TMEM117: variants seen among roughly 807,000 people sequenced by gnomAD.
TMEM117 encodes transmembrane protein 117.
In TMEM117, 27 loss-of-function variants were observed where a neutral mutation model predicts 52.4. The observed-to-expected ratio is 0.51, with a 90% CI of 0.38 to 0.71. The LOEUF is 0.71. Among genes scored for constraint, TMEM117 ranks in the 30% least tolerant of loss-of-function variants. The pLI, the probability that TMEM117 is intolerant of heterozygous loss-of-function variation, is 0.00. For missense variants in TMEM117, 556 were observed against 630.5 expected, an observed-to-expected ratio of 0.88 and a Z score of 1.26; for synonymous variants, 215 against 206.3, an observed-to-expected ratio of 1.04 and a Z score of -0.36.
Position 44,388,331 on chromosome 12 carries a change from A to C in TMEM117, c.1204A>C (p.Ile402Leu), listed in dbSNP as rs767727138. 2 of 1,613,610 alleles carry C rather than the reference A, an allele frequency of 1.2e-6. No homozygotes were observed. Among genetic ancestry groups the C allele is most frequent in the Non-Finnish European group, 1.7e-6 (2 of 1,179,672 alleles). The change falls in exon 8 of 8, where the codon ATA becomes CTA. Residue 402 changes from isoleucine to leucine, a missense_variant. Ile to Leu is a conservative substitution (Grantham distance 5, BLOSUM62 2). Transcript: ENST00000266534. ...VKCLAFVPSL[I>L]AFVWFGFFIW... ...GTGTCTGGCCTTTGTTCCAAGCCTG[A>C]TAGCCTTTGTGTGGTTTGGATTCTT...
chr12:43,810,938 A>G, the TMEM117 span, among the ~76,000 whole-genome samples: 1 of 152,344 alleles, frequency 6.6e-6, no homozygotes, highest in South Asian at 2.1e-4. Context: ...TATGTTAATA[A>G]TGGGAACAGT....
At chr12:43,806,034 G>A in the TMEM117 span, 2 of 1,521,120 alleles carry the variant, frequency 1.3e-6, no homozygotes, top group South Asian at 1.2e-5. Flanking sequence ...GACCGGGCTG[G>A]AGGAGGACGC....
chr12:43,807,086 G>A, the TMEM117 span, among the ~76,000 whole-genome samples: 1 of 152,072 alleles, frequency 6.6e-6, no homozygotes, highest in Non-Finnish European at 1.5e-5. Flanking sequence ...TTACAAACAT[G>A]TAGTTCCTTC....
intron 3 of TMEM117, among the ~76,000 whole-genome samples, chr12:43,994,166 A>G (rs1251004708): frequency 6.6e-6 from 1 of 152,148 alleles, no homozygotes; most frequent in Non-Finnish European, 1.5e-5. Context: ...TCATACTTGC[A>G]ACTTGTCTGT....
At chr12:43,881,512 G>A (rs553784584) in intron 2 of TMEM117, among the ~76,000 whole-genome samples, 20 of 152,236 alleles carry the variant, frequency 1.3e-4, no homozygotes, top group Admixed American at 7.2e-4. Flanking sequence ...CTTTAAGTCC[G>A]GGCGTGGAAG....
intron 2 of TMEM117, among the ~76,000 whole-genome samples, chr12:43,877,613 C>A (rs898260113): frequency 3.1e-4 from 45 of 145,212 alleles, no homozygotes; most frequent in Non-Finnish European, 6.5e-4. Flanking sequence ...CCAGCCCGGG[C>A]GACATAGTGC....
At chr12:44,179,694 C>T (rs1949164456) in intron 4 of TMEM117, among the ~76,000 whole-genome samples, 1 of 152,222 alleles carries the variant, frequency 6.6e-6, no homozygotes, top group South Asian at 2.1e-4. Context: ...AGTACCCTCG[C>T]AGACACACCC....
At chr12:43,948,876 G>A (rs146198749) in intron 3 of TMEM117, among the ~76,000 whole-genome samples, 22 of 152,228 alleles carry the variant, frequency 1.4e-4, no homozygotes, top group African/African-American at 4.1e-4. Flanking sequence ...CTGAAAACTC[G>A]GGCGGTAAGA....
At chr12:44,058,941 A>G (rs574092907) in intron 3 of TMEM117, among the ~76,000 whole-genome samples, 28 of 152,194 alleles carry the variant, frequency 1.8e-4, no homozygotes, top group African/African-American at 6.5e-4. Context: ...ATGGAAGACA[A>G]TTTTTCCATG....
chr12:44,300,667 A>G (rs1422278224), intron 6 of TMEM117, among the ~76,000 whole-genome samples: 1 of 152,224 alleles, frequency 6.6e-6, no homozygotes, highest in East Asian at 1.9e-4. Flanking sequence ...TAAATAATAT[A>G]TCTTGGGCAT....
At chr12:44,078,277 C>A (rs1752218924) in intron 3 of TMEM117, among the ~76,000 whole-genome samples, 1 of 152,136 alleles carries the variant, frequency 6.6e-6, no homozygotes, top group African/African-American at 2.4e-5. Context: ...ATTTAAGATT[C>A]CACAGAATTT....
At chr12:43,855,258 T>A (rs1943380130) in intron 2 of TMEM117, among the ~76,000 whole-genome samples, 1 of 151,994 alleles carries the variant, frequency 6.6e-6, no homozygotes, top group Non-Finnish European at 1.5e-5. Context: ...TGATAAGCAT[T>A]TCTTTTTTTC....
rs938656553 is a variant in TMEM117, at chr12:44,024,297, A to G, written c.410+79955A>G. Among the ~76,000 whole-genome samples the G allele has an allele frequency of 3.9e-5, 6 of 152,144 alleles. No individual in the cohort carries two copies. In the East Asian group the frequency reaches 7.7e-4, roughly 20 times the overall value. On this transcript the variant is annotated intron_variant, in intron 3 of 7. Coordinates refer to ENST00000266534, the MANE Select transcript of TMEM117 (RefSeq NM_032256.3). ...TGAGCAGCAGAAATGCCTTTGATGG[A>G]TAATGAAGTCATAAAAGTAAGGTGA...
At chr12:43,801,200 G>A in the TMEM117 span, among the ~76,000 whole-genome samples, 2 of 152,042 alleles carry the variant, frequency 1.3e-5, no homozygotes, top group South Asian at 2.1e-4. Flanking sequence ...CAAAGATTAC[G>A]AATTAAGTTG....
intron 2 of TMEM117, among the ~76,000 whole-genome samples, chr12:43,922,486 G>A (rs1944711488): frequency 6.6e-6 from 1 of 152,252 alleles, no homozygotes; most frequent in East Asian, 1.9e-4. Flanking sequence ...TAAGGCAAAA[G>A]CATTACAATA....
intron 4 of TMEM117, among the ~76,000 whole-genome samples, chr12:44,191,686 A>G (rs1949356682): frequency 1.3e-5 from 2 of 152,174 alleles, no homozygotes; most frequent in African/African-American, 2.4e-5. Flanking sequence ...TACCTCATCC[A>G]GGTCTCACAA....
chr12:44,234,729 G>A (rs1043255233), intron 5 of TMEM117, among the ~76,000 whole-genome samples: 1 of 150,974 alleles, frequency 6.6e-6, no homozygotes, highest in African/African-American at 2.4e-5. Context: ...CAGTATCTAA[G>A]TATTACTTTA....
intron 6 of TMEM117, among the ~76,000 whole-genome samples, chr12:44,305,348 T>TA (rs1950891270): frequency 6.6e-6 from 1 of 151,880 alleles, no homozygotes; most frequent in African/African-American, 2.4e-5. Flanking sequence ...GAAAAAGAAA[T>TA]AGGAGAGTAA....
intron 2 of TMEM117, among the ~76,000 whole-genome samples, chr12:43,856,948 G>A (rs991566145): frequency 3.9e-5 from 6 of 152,112 alleles, no homozygotes; most frequent in African/African-American, 9.7e-5. Flanking sequence ...TGGTGTGTTG[G>A]AGCTACTGAA....
Sources: gnomAD v4.1 joint callset for allele counts (sites outside exome capture counted in the v4.1 genomes callset) on GRCh38, gnomAD v4.1.1 for gene constraint, MANE v1.5 for transcripts, NCBI Gene and HGNC (gene_info 2026-07-23, HGNC 2026-07-21) for gene names.